The following CSMD3 variants were observed in gnomAD, a reference collection of about 807,000 sequenced individuals.
CSMD3 encodes CUB and sushi domain-containing protein 3.
Under a neutral mutation model 435.2 loss-of-function variants are expected in CSMD3, and 177 were observed. That is an observed-to-expected ratio of 0.41 (90% CI 0.36 to 0.46). The LOEUF is 0.46. Among genes scored for constraint, CSMD3 ranks in the 20% least tolerant of loss-of-function variants. The pLI is 0.34. For synonymous variants in CSMD3, 1,656 were observed against 1,520.5 expected (o/e 1.09, Z -2.07); for missense variants, 4,265 against 4,504.6 (o/e 0.95, Z 1.52).
At chr8:112,954,331 G>A (rs1587751723) in intron 8 of CSMD3, among the ~76,000 whole-genome samples, 1 of 151,454 alleles carries the variant, frequency 6.6e-6, no homozygotes, top group East Asian at 1.9e-4. Flanking sequence ...AGTCAATCAA[G>A]AATTCCTACA....
intron 2 of CSMD3, among the ~76,000 whole-genome samples, chr8:113,308,992 T>C (rs1026038462): frequency 6.6e-6 from 1 of 152,000 alleles, no homozygotes; most frequent in African/African-American, 2.4e-5. Flanking sequence ...TCTGTCACCC[T>C]GGCTGGAGTG....
In CSMD3 at chr8:112,506,711, A is replaced by G. The variant is rs777204375; in HGVS notation, c.4875T>C (p.Val1625=). 6 of 1,613,742 alleles carry G rather than the reference A, an allele frequency of 3.7e-6. No individual in the cohort carries two copies. The East Asian group carries it at 1.3e-4, about 36-fold the overall frequency. ...DWTITVNADY[V]ISLAFISFSI... is the part of the protein sequence containing the mutation. Reference sequence around the variant, plus strand: ...CTCACCTGATGAACGCCAAGGAGATAACATAGTCTGCATTGACGGTGATAG... The same window carrying G: ...CTCACCTGATGAACGCCAAGGAGATGACATAGTCTGCATTGACGGTGATAG... Residue 1625 remains valine, a synonymous_variant, in exon 29 of 71, where the codon GTT becomes GTC. Coordinates refer to ENST00000297405, the MANE Select transcript of CSMD3 (RefSeq NM_198123.2).
At chr8:113,061,186 G>C (rs765648774) in intron 5 of CSMD3, among the ~76,000 whole-genome samples, 8 of 151,992 alleles carry the variant, frequency 5.3e-5, no homozygotes, top group Non-Finnish European at 1.2e-4. Flanking sequence ...ATATTTCTCT[G>C]ATCTATTGTG....
intron 13 of CSMD3, among the ~76,000 whole-genome samples, chr8:112,787,068 C>T (rs1002880352): frequency 1.3e-5 from 2 of 152,064 alleles, no homozygotes; most frequent in Admixed American, 1.3e-4. Context: ...TGAACTCATC[C>T]TTTTTTGTGG....
chr8:112,751,622 G>A (rs1475519223), intron 13 of CSMD3, among the ~76,000 whole-genome samples: 2 of 142,776 alleles, frequency 1.4e-5, no homozygotes, highest in African/African-American at 5.1e-5. Context: ...AAAATAAGAA[G>A]TTTAGGTTTT....
chr8:113,327,261 T>G (rs1465996769), intron 1 of CSMD3, among the ~76,000 whole-genome samples: 1 of 152,226 alleles, frequency 6.6e-6, no homozygotes, highest in Non-Finnish European at 1.5e-5. Context: ...AGTGATAACA[T>G]ATTACTTTTT....
At chr8:113,236,110 G>T (rs1374156983) in intron 3 of CSMD3, among the ~76,000 whole-genome samples, 2 of 152,128 alleles carry the variant, frequency 1.3e-5, no homozygotes, top group Non-Finnish European at 2.9e-5. Flanking sequence ...CATTTGAATA[G>T]TAAAAAACAC....
intron 3 of CSMD3, among the ~76,000 whole-genome samples, chr8:113,262,323 T>C (rs2132361765): frequency 6.6e-6 from 1 of 152,206 alleles, no homozygotes. Flanking sequence ...GTTGATTAAT[T>C]ATAAAATGCA....
chr8:112,655,024 G>A (rs2075222687), intron 18 of CSMD3, among the ~76,000 whole-genome samples: 1 of 152,052 alleles, frequency 6.6e-6, no homozygotes, highest in African/African-American at 2.4e-5. Flanking sequence ...ATTTTACCAT[G>A]ATTTTTACAA....
intron 32 of CSMD3, among the ~76,000 whole-genome samples, chr8:112,457,031 G>A (rs1378971813): frequency 6.6e-6 from 1 of 152,038 alleles, no homozygotes; most frequent in Non-Finnish European, 1.5e-5. Flanking sequence ...TATGTCATGA[G>A]ATAATATTAT....
At chr8:112,693,582 G>A (rs950706838) in intron 13 of CSMD3, among the ~76,000 whole-genome samples, 4 of 151,844 alleles carry the variant, frequency 2.6e-5, no homozygotes, top group Non-Finnish European at 4.4e-5. Context: ...TCTTTTAAGA[G>A]CTAGGATTCC....
chr8:112,664,788 C>T (rs2075478779), intron 17 of CSMD3, among the ~76,000 whole-genome samples: 1 of 152,064 alleles, frequency 6.6e-6, no homozygotes, highest in African/African-American at 2.4e-5. Context: ...GAGAAGACAG[C>T]CATCTACAAG....
At chr8:112,618,636 G>A (rs17744837) in intron 22 of CSMD3, among the ~76,000 whole-genome samples, 9,967 of 151,048 alleles carry the variant, frequency 0.066, 439 homozygotes, top group East Asian at 0.15. Context: ...CCATCATGGA[G>A]TATAGACACA....
At chr8:113,005,171 A>G (rs1048129083) in intron 6 of CSMD3, among the ~76,000 whole-genome samples, 5 of 151,958 alleles carry the variant, frequency 3.3e-5, no homozygotes, top group African/African-American at 1.2e-4. Context: ...CTACTGAGTC[A>G]TTTGGTAAAC....
intron 32 of CSMD3, among the ~76,000 whole-genome samples, chr8:112,462,248 T>C (rs1403140826): frequency 1.3e-5 from 2 of 152,194 alleles, no homozygotes; most frequent in African/African-American, 4.8e-5. Flanking sequence ...TGGTATGAAA[T>C]AGCCTAACAG....
intron 2 of CSMD3, among the ~76,000 whole-genome samples, chr8:113,306,314 A>C (rs1246213308): frequency 6.6e-6 from 1 of 152,120 alleles, no homozygotes; most frequent in East Asian, 1.9e-4. Context: ...TCCAACTCTG[A>C]AGGGAGAAAT....
chr8:112,915,634 T>C lies in CSMD3; in HGVS notation c.1633+5993A>G, dbSNP rs536773129. ...AAAATGCATGAAGACAAATAATCTT[T>C]TACCTATATACAAAGGTAGATTTTA... On this transcript the variant is annotated intron_variant, in intron 10 of 70. Transcript: ENST00000297405. 3.6e-4 allele frequency among the ~76,000 whole-genome samples: 55 copies of C among 151,936 alleles called. No individual in the cohort carries two copies. The East Asian group carries it at 7.8e-3, about 21-fold the overall frequency.
chr8:112,894,485 T>G (rs557279406), intron 10 of CSMD3, among the ~76,000 whole-genome samples: 2 of 151,402 alleles, frequency 1.3e-5, no homozygotes, highest in African/African-American at 4.8e-5. Flanking sequence ...CAATATTTCA[T>G]TGCTGGAGAT....
chr8:112,755,900 TTTTA>T lies in CSMD3; in HGVS notation c.1972+44258_1972+44261del, dbSNP rs1413369787. 1.8e-4 allele frequency among the ~76,000 whole-genome samples: 26 copies of T among 141,424 alleles called. No homozygotes were observed. In the South Asian group the frequency reaches 2.6e-3, roughly 14 times the overall value. 92.8% of individuals were successfully genotyped at this position (141,424 alleles called of 152,430 possible). A position where few individuals can be genotyped will look rare whatever the true frequency, so the allele number is the denominator to read the frequency against. ...CTTATAAGAATAAATGCTGTATTTATTTTATTTAGTTTTATTTTATTTTATTTTA... is the reference window on the plus strand; with the variant it reads ...CTTATAAGAATAAATGCTGTATTTATTTTAGTTTTATTTTATTTTATTTTA... On this transcript the variant is annotated intron_variant, in intron 13 of 70. Coordinates refer to ENST00000297405, the MANE Select transcript of CSMD3 (RefSeq NM_198123.2).
Sources: allele counts gnomAD v4.1 joint callset (sites outside exome capture counted in the v4.1 genomes callset), GRCh38; gene constraint gnomAD v4.1.1; transcripts MANE v1.5; gene names NCBI Gene and HGNC (gene_info 2026-07-23, HGNC 2026-07-21).